Variants in TMOD1 observed in about 807,000 individuals in gnomAD.
TMOD1 encodes the protein tropomodulin 1, also known as tropomodulin-1.
TMOD1 carries 17 observed loss-of-function variants against 40.6 expected under a neutral mutation model. The ratio of observed to expected loss-of-function variants is 0.42; its 90% CI spans 0.29 to 0.63. The LOEUF (loss-of-function observed/expected upper bound fraction) is 0.63, where lower values mean the gene tolerates loss of function less well. Among genes scored for constraint, TMOD1 ranks in the 20% least tolerant of loss-of-function variants. TMOD1 has a pLI of 0.22. For missense variants in TMOD1, 391 were observed against 447.6 expected (o/e 0.87, Z 1.14); for synonymous variants, 181 against 175.0 (o/e 1.03, Z -0.27).
chr9:97,568,270 C>G (rs1830762779), intron 7 of TMOD1, among the ~76,000 whole-genome samples: 7 of 152,190 alleles, frequency 4.6e-5, no homozygotes, highest in Admixed American at 4.6e-4. Flanking sequence ...ATGCTGGGTA[C>G]TGTGGCCAAC....
chr9:97,510,356 G>A (rs1254138967), intron 1 of TMOD1, among the ~76,000 whole-genome samples: 2 of 151,908 alleles, frequency 1.3e-5, no homozygotes, highest in Non-Finnish European at 1.5e-5. Context: ...TCATCCTCCC[G>A]AGTAGCTGGA....
intron 3 of TMOD1, among the ~76,000 whole-genome samples, chr9:97,549,921 A>G (rs1830421853): frequency 6.6e-6 from 1 of 152,172 alleles, no homozygotes; most frequent in African/African-American, 2.4e-5. Context: ...TAAAACTTAT[A>G]TAACATAAAA....
intron 4 of TMOD1, among the ~76,000 whole-genome samples, chr9:97,556,367 A>G (rs73550743): frequency 0.028 from 4,321 of 152,264 alleles, 201 homozygotes; most frequent in African/African-American, 0.097. Context: ...GACTTCGAAC[A>G]TGGTGTTGGA....
intron 4 of TMOD1, among the ~76,000 whole-genome samples, chr9:97,559,687 T>C (rs7868354): frequency 0.77 from 112,361 of 146,364 alleles, 43,254 homozygotes; most frequent in Middle Eastern, 0.88. Context: ...ATCGCTTGAG[T>C]CCGGGAGGTG....
chr9:97,544,773 C>G (rs1830334658), intron 2 of TMOD1, among the ~76,000 whole-genome samples: 1 of 151,914 alleles, frequency 6.6e-6, no homozygotes. Flanking sequence ...TTTGGGAGGC[C>G]AAGGCAGGCA....
chr9:97,572,925 GTGAA>G (rs1191134431), intron 8 of TMOD1, among the ~76,000 whole-genome samples: 1 of 152,212 alleles, frequency 6.6e-6, no homozygotes, highest in Non-Finnish European at 1.5e-5. Flanking sequence ...CAAGACCATG[GTGAA>G]TTGGGAAAGG....
intron 2 of TMOD1, among the ~76,000 whole-genome samples, chr9:97,529,999 G>A (rs1462030680): frequency 6.6e-6 from 1 of 152,226 alleles, no homozygotes. Flanking sequence ...TGCCCAGGAT[G>A]CAATCTGAGC....
chr9:97,509,365 A>G (rs1829655661), intron 1 of TMOD1, among the ~76,000 whole-genome samples: 1 of 152,202 alleles, frequency 6.6e-6, no homozygotes, highest in African/African-American at 2.4e-5. Flanking sequence ...TATAAGGTAC[A>G]GTGACAAGTG....
chr9:97,598,648 A>T (rs1826169405), intron 9 of TMOD1, among the ~76,000 whole-genome samples: 1 of 152,176 alleles, frequency 6.6e-6, no homozygotes, highest in South Asian at 2.1e-4. Flanking sequence ...CTGATCATCT[A>T]AGGAACTGGG....
In TMOD1 at chr9:97,601,699, G is replaced by A; in HGVS notation, c.*2001G>A. The A allele has an allele frequency of 4.2e-6, 2 of 475,138 alleles. No homozygotes were observed. Among genetic ancestry groups the A allele is most frequent in the Non-Finnish European group, 5.5e-6 (2 of 363,136 alleles). 29.4% of individuals were successfully genotyped at this position (475,138 alleles called of 1,614,324 possible). On this transcript the variant is annotated 3_prime_UTR_variant, in exon 10 of 10. Transcript: ENST00000259365. ...AACTCTGCCATAGATCATGTGTAAAGGAATGGGTGTGGCTGTTCAATAAAC... is the reference window on the plus strand; with the variant it reads ...AACTCTGCCATAGATCATGTGTAAAAGAATGGGTGTGGCTGTTCAATAAAC...
chr9:97,528,892 G>C (rs1830056669), intron 2 of TMOD1, among the ~76,000 whole-genome samples: 1 of 152,224 alleles, frequency 6.6e-6, no homozygotes, highest in Non-Finnish European at 1.5e-5. Context: ...TGCTTAGATG[G>C]CACTCACTAT....
intron 2 of TMOD1, among the ~76,000 whole-genome samples, chr9:97,537,316 G>A (rs147754038): frequency 1.7e-4 from 26 of 152,356 alleles, no homozygotes; most frequent in East Asian, 9.6e-4. Context: ...GTGATCGTGC[G>A]TGCCTGTGTG....
chr9:97,598,700 G>A (rs1379245188), intron 9 of TMOD1, among the ~76,000 whole-genome samples: 1 of 152,214 alleles, frequency 6.6e-6, no homozygotes, highest in Non-Finnish European at 1.5e-5. Context: ...TATGGCCAGT[G>A]TCATGCACAA....
At chr9:97,524,856 C>G (rs1234664683) in intron 2 of TMOD1, among the ~76,000 whole-genome samples, 2 of 107,122 alleles carry the variant, frequency 1.9e-5, no homozygotes, top group African/African-American at 3.4e-5. Context: ...TGGATGCCCA[C>G]CCCCCACCGC....
chr9:97,582,908 A>G (rs1458799585), intron 8 of TMOD1, among the ~76,000 whole-genome samples: 2 of 150,866 alleles, frequency 1.3e-5, no homozygotes, highest in African/African-American at 4.9e-5. Context: ...GGGCTGAGAC[A>G]ATGGGGTTTT....
intron 2 of TMOD1, among the ~76,000 whole-genome samples, chr9:97,527,445 T>C (rs761918207): frequency 6.6e-6 from 1 of 152,210 alleles, no homozygotes; most frequent in Non-Finnish European, 1.5e-5. Context: ...GGAGATTAAC[T>C]CTTACTGGTG....
intron 7 of TMOD1, among the ~76,000 whole-genome samples, 168 bp downstream of exon 7, chr9:97,566,123 C>G (rs114427535): frequency 1.3e-5 from 2 of 152,132 alleles, no homozygotes; most frequent in Non-Finnish European, 1.5e-5. Context: ...CAGCCATCAC[C>G]TGGCACCACC....
intron 1 of TMOD1, among the ~76,000 whole-genome samples, chr9:97,519,646 G>A (rs1350267245): frequency 6.6e-6 from 1 of 152,160 alleles, no homozygotes; most frequent in Admixed American, 6.6e-5. Context: ...GAAGATAAGG[G>A]ATTTGCCCAG....
chr9:97,548,785 G>T (rs1191032129), intron 3 of TMOD1, among the ~76,000 whole-genome samples: 4 of 152,184 alleles, frequency 2.6e-5, no homozygotes, highest in Non-Finnish European at 4.4e-5. Flanking sequence ...AGCCCAAAAG[G>T]TTCATCATCA....
Sources: allele counts gnomAD v4.1 joint callset (sites outside exome capture counted in the v4.1 genomes callset), GRCh38; gene constraint gnomAD v4.1.1; transcripts MANE v1.5; gene names NCBI Gene and HGNC (gene_info 2026-07-23, HGNC 2026-07-21).